Variants in GPAM observed in about 807,000 individuals in gnomAD.
The protein encoded by GPAM is glycerol-3-phosphate acyltransferase, mitochondrial, also known as glycerol-3-phosphate acyltransferase 1, mitochondrial.
In GPAM, 56 loss-of-function variants were observed where a neutral mutation model predicts 105.0. The ratio of observed to expected loss-of-function variants is 0.53; its 90% confidence interval spans 0.43 to 0.67. The LOEUF (loss-of-function observed/expected upper bound fraction) is 0.67. GPAM is among the 30% of genes least tolerant of loss of function. The pLI, the probability that GPAM is intolerant of heterozygous loss-of-function variation, is 0.00. For synonymous variants in GPAM, 368 were observed against 354.4 expected, an observed-to-expected ratio of 1.04 and a Z score of -0.43; for missense variants, 855 against 989.8, an observed-to-expected ratio of 0.86 and a Z score of 1.83.
At chr10:112,201,247 C>T (rs1378145187) in intron 1 of GPAM, among the ~76,000 whole-genome samples, 2 of 152,154 alleles carry the variant, frequency 1.3e-5, no homozygotes, top group Non-Finnish European at 2.9e-5. Context: ...TCACGAGGAC[C>T]CTACTCATTC....
At chr10:112,203,316 G>C (rs542379749) in intron 1 of GPAM, among the ~76,000 whole-genome samples, 35 of 152,314 alleles carry the variant, frequency 2.3e-4, no homozygotes, top group African/African-American at 6.7e-4. Flanking sequence ...TCTGCAAATA[G>C]CACACTGGTC....
At chr10:112,165,862 T>G (rs1005676678) in intron 12 of GPAM, among the ~76,000 whole-genome samples, 3 of 152,174 alleles carry the variant, frequency 2.0e-5, no homozygotes, top group African/African-American at 2.4e-5. Context: ...ATCTCAAAAT[T>G]TTTTTGACTT....
At chr10:112,191,726 T>C (rs1026187984) in intron 1 of GPAM, among the ~76,000 whole-genome samples, 38 of 152,220 alleles carry the variant, frequency 2.5e-4, no homozygotes, top group African/African-American at 8.2e-4. Flanking sequence ...TAAATGGGCC[T>C]TTGTTTTCTC....
upstream of GPAM, among the ~76,000 whole-genome samples, chr10:112,217,957 T>C (rs909880493): frequency 1.2e-4 from 19 of 152,244 alleles, no homozygotes; most frequent in South Asian, 4.1e-4. Context: ...TCATTGTTTA[T>C]GGAGAAAATG....
chr10:112,216,326 A>C (rs553619063), upstream of GPAM, among the ~76,000 whole-genome samples: 7 of 152,364 alleles, frequency 4.6e-5, no homozygotes, highest in East Asian at 1.2e-3. Flanking sequence ...CAAACCTGGC[A>C]CAGTTCCCTG....
chr10:112,186,772 A>C (rs1434900912), upstream of GPAM, among the ~76,000 whole-genome samples: 1 of 152,220 alleles, frequency 6.6e-6, no homozygotes. Flanking sequence ...GCCGGTCTCG[A>C]TCTCCTGACC....
upstream of GPAM, among the ~76,000 whole-genome samples, chr10:112,185,597 C>G (rs1022773062): frequency 2.1e-5 from 3 of 144,602 alleles, no homozygotes; most frequent in East Asian, 2.0e-4. Context: ...CACACACACA[C>G]ACACACACAC....
chr10:112,212,488 C>A (rs1457038228), intron 1 of GPAM, among the ~76,000 whole-genome samples: 1 of 152,152 alleles, frequency 6.6e-6, no homozygotes, highest in Non-Finnish European at 1.5e-5. Context: ...TTGTCTCGAT[C>A]TCCTGACCTC....
intron 14 of GPAM, among the ~76,000 whole-genome samples, chr10:112,161,959 A>G (rs559536976): frequency 5.3e-5 from 8 of 152,362 alleles, no homozygotes; most frequent in Non-Finnish European, 1.2e-4. Context: ...AGGCTAAGTA[A>G]GACAGGTCCA....
chr10:112,168,400 GACAGAGTATCT>G lies in GPAM; in HGVS notation c.1008_1018del (p.Asp337TyrfsTer17). 1 of 1,609,380 alleles carries G rather than the reference GACAGAGTATCT, an allele frequency of 6.2e-7. No individual in the cohort carries two copies. The highest frequency in any genetic ancestry group is 8.5e-7 in the Non-Finnish European group (1 of 1,175,682). ...CAAGATGTCTGGGATGACATTGGTAGACAGAGTATCTACCACAACTGACAAAAGTCCTGCCC... is the reference window on the plus strand; with the variant it reads ...CAAGATGTCTGGGATGACATTGGTAGACCACAACTGACAAAAGTCCTGCCC... On this transcript the variant is annotated frameshift_variant, in exon 11 of 22. Coordinates refer to ENST00000348367, the MANE Select transcript of GPAM (RefSeq NM_001244949.2). LOFTEE classifies it high-confidence loss of function.
intron 1 of GPAM, among the ~76,000 whole-genome samples, chr10:112,207,542 A>G (rs138451849): frequency 2.6e-5 from 4 of 152,324 alleles, no homozygotes; most frequent in African/African-American, 9.6e-5. Flanking sequence ...TAAACCAAAC[A>G]CAATGATCAA....
chr10:112,175,566 C>T (rs374065741), intron 6 of GPAM, 34 bp downstream of exon 6: 4 of 1,127,364 alleles, frequency 3.5e-6, no homozygotes, highest in Non-Finnish European at 5.4e-6. Context: ...CCATCCCTGC[C>T]TCTTCCCACC....
chr10:112,214,868 C>T (rs1847951207), intron 1 of GPAM, among the ~76,000 whole-genome samples: 1 of 152,098 alleles, frequency 6.6e-6, no homozygotes, highest in Admixed American at 6.5e-5. Flanking sequence ...TTCATGGAGG[C>T]CAAAAGAGTA....
At chr10:112,170,983 C>T (rs754061991) in intron 9 of GPAM, among the ~76,000 whole-genome samples, 69 of 152,284 alleles carry the variant, frequency 4.5e-4, no homozygotes, top group Non-Finnish European at 6.2e-4. Context: ...ATACTGAGGA[C>T]ACAGCACACA....
rs1395122679 is a variant in GPAM, at chr10:112,151,186, G to C, written c.*2364C>G. ...CATTTCATGTTACAGAAATGCGATAGAGTAAACTGTAATAAATTATTTACA... is the reference window on the plus strand; with the variant it reads ...CATTTCATGTTACAGAAATGCGATACAGTAAACTGTAATAAATTATTTACA... On this transcript the variant is annotated 3_prime_UTR_variant, in exon 22 of 22. Transcript: ENST00000348367. 1.0e-6 allele frequency: 1 copy of C among 982,664 alleles called. No homozygotes were observed. Among genetic ancestry groups the C allele is most frequent in the East Asian group, 1.1e-4 (1 of 8,802 alleles). 60.9% of individuals were successfully genotyped at this position (982,664 alleles called of 1,614,324 possible).
intron 12 of GPAM, among the ~76,000 whole-genome samples, chr10:112,165,377 T>G (rs777988121): frequency 2.0e-5 from 3 of 152,156 alleles, no homozygotes; most frequent in Non-Finnish European, 4.4e-5. Context: ...TAGAGAGCAT[T>G]ATCCTGTCAA....
At chr10:112,202,371 G>C (rs1335243885) in intron 1 of GPAM, among the ~76,000 whole-genome samples, 2 of 151,724 alleles carry the variant, frequency 1.3e-5, no homozygotes, top group Non-Finnish European at 2.9e-5. Context: ...TTCTAGAAAG[G>C]GGTTTAAAAA....
In GPAM at chr10:112,151,344, A is replaced by C. The variant is rs1032449079; in HGVS notation, c.*2206T>G. On this transcript the variant is annotated 3_prime_UTR_variant, in exon 22 of 22. Transcript: ENST00000348367. ...TTTCGTTTTTTTGTTTTTTGTTTTCAGTCATGAGGCACTGAAGAATGAGTT... is the reference window on the plus strand; with the variant it reads ...TTTCGTTTTTTTGTTTTTTGTTTTCCGTCATGAGGCACTGAAGAATGAGTT... 1.0e-6 allele frequency: 1 copy of C among 985,766 alleles called. No homozygotes were observed. 61.1% of individuals were successfully genotyped at this position (985,766 alleles called of 1,614,324 possible). A position where few individuals can be genotyped will look rare whatever the true frequency, so the allele number is the denominator to read the frequency against.
chr10:112,222,571 C>T, the GPAM span, among the ~76,000 whole-genome samples: 10 of 152,190 alleles, frequency 6.6e-5, no homozygotes, highest in Admixed American at 6.5e-4. Context: ...GCACCCTGCA[C>T]ACATACCTGT....
Sources: gnomAD v4.1 joint callset for allele counts (sites outside exome capture counted in the v4.1 genomes callset) on GRCh38, gnomAD v4.1.1 for gene constraint, MANE v1.5 for transcripts, NCBI Gene and HGNC (gene_info 2026-07-23, HGNC 2026-07-21) for gene names.